The following NEK8 variants were observed in gnomAD, a reference collection of about 807,000 sequenced individuals.
NEK8 encodes serine/threonine-protein kinase Nek8.
Under a neutral mutation model 77.2 loss-of-function variants are expected in NEK8, and 51 were observed. That is an observed-to-expected ratio of 0.66 (90% CI 0.53 to 0.83). The LOEUF (loss-of-function observed/expected upper bound fraction) is 0.83. Ranked by LOEUF, NEK8 falls within the 40% of genes least tolerant of loss-of-function variation. The pLI is 0.00. For synonymous variants in NEK8, 365 were observed against 363.2 expected (o/e 1.00, Z -0.06); for missense variants, 787 against 909.2 (o/e 0.87, Z 1.73).
At position 28,743,358 on chromosome 17, in the gene NEK8, C is replaced by G. The variant is rs1435810692; in HGVS notation, c.*1371C>G. Reference sequence around the variant, plus strand: ...TCCGCGCTGGAGATTGCCCGTCCCCCCCATGCCTTTCCCCAGAAACAGTTG... The same window carrying G: ...TCCGCGCTGGAGATTGCCCGTCCCCGCCATGCCTTTCCCCAGAAACAGTTG... On this transcript the variant is annotated 3_prime_UTR_variant, in exon 15 of 15. Transcript: ENST00000268766. The G allele has an allele frequency of 6.6e-6, 1 of 152,360 alleles. No individual in the cohort carries two copies. The highest frequency in any genetic ancestry group is 1.5e-5 in the Non-Finnish European group (1 of 68,208). The allele number at this position is 152,360 out of a possible 1,614,324, so 9.4% of individuals were successfully genotyped here.
At position 28,737,758 on chromosome 17, in the gene NEK8, G is replaced by A. The variant is rs377603024; in HGVS notation, c.889+22G>A. 1.2e-6 allele frequency: 2 copies of A among 1,614,124 alleles called. No homozygotes were observed. The highest frequency in any genetic ancestry group is 1.7e-6 in the Non-Finnish European group (2 of 1,179,984). ...AGAGGTAAGTGGGAAGAGGCCGCCA[G>A]TCCCCATGGATGCCACACCATTCCC... On this transcript the variant is annotated intron_variant, in intron 6 of 14. Coordinates refer to ENST00000268766, the MANE Select transcript of NEK8 (RefSeq NM_178170.3). This position sits in a 1 kb window ranked among gnomAD's most constrained non-coding sequence, Gnocchi z 4.8.
rs149987249 is a variant in NEK8, at chr17:28,741,081, C to T, written c.1736C>T (p.Ser579Leu). The T allele has an allele frequency of 9.8e-5, 158 of 1,614,172 alleles. 1 individual carries two copies. Among genetic ancestry groups the T allele is most frequent in the Middle Eastern group, 4.9e-4 (3 of 6,062 alleles). Residue 579 changes from serine (S) to leucine (L), a missense_variant, in exon 13 of 15, where the codon TCG (serine) becomes TTG (leucine). Physicochemically the swap from Ser to Leu is moderately radical, Grantham distance 145. This residue lies in a region of NEK8 where 516 missense variants were observed against 544.0 expected (regional missense o/e 0.95). Coordinates refer to ENST00000268766, the MANE Select transcript of NEK8 (RefSeq NM_178170.3). This position sits in a 1 kb window ranked among gnomAD's most constrained non-coding sequence, Gnocchi z 4.5. Reference protein sequence around the residue: ...GTAHSAAVTASGDCYTFGSNQ... With the variant: ...GTAHSAAVTALGDCYTFGSNQ... The stretch of plus-strand genomic sequence containing the variant: ...CTTTCCTTCCTCTCCCCCATAGCCT[C>T]GGGTGATTGCTACACTTTTGGCAGC...
chr17:28,733,410 A>G (rs2034328959), intron 1 of NEK8, among the ~76,000 whole-genome samples: 1 of 152,220 alleles, frequency 6.6e-6, no homozygotes, highest in Non-Finnish European at 1.5e-5. Flanking sequence ...AGATCAGCTT[A>G]TAGTCCACTC....
intron 4 of NEK8, among the ~76,000 whole-genome samples, chr17:28,735,951 G>A (rs111986221): frequency 1.0e-4 from 11 of 109,462 alleles, no homozygotes; most frequent in African/African-American, 2.7e-4. Flanking sequence ...AACAGGCCCC[G>A]GTGTGTGATG....
At position 28,728,948 on chromosome 17, in the gene NEK8, C is replaced by A. The variant is rs1013871978; in HGVS notation, c.47+88C>A. 8.9e-6 allele frequency: 11 copies of A among 1,238,914 alleles called. No homozygotes were observed. The East Asian group carries it at 2.8e-4, about 31-fold the overall frequency. The allele number at this position is 1,238,914 out of a possible 1,614,324, so 76.7% of individuals were successfully genotyped here. ...CCGCGAAGTCGCCGCCCGCCTAATC[C>A]CGCCCCAAGGCGTGAGCGCCACTCT... On this transcript the variant is annotated intron_variant, in intron 1 of 14. Coordinates refer to ENST00000268766, the MANE Select transcript of NEK8 (RefSeq NM_178170.3).
intron 1 of NEK8, 145 bp downstream of exon 1, chr17:28,729,005 C>T (rs1394460617): frequency 2.7e-6 from 2 of 751,440 alleles, no homozygotes; most frequent in Admixed American, 2.2e-5. Flanking sequence ...CGGTCCCAGT[C>T]CCCCGGGGAG....
intron 1 of NEK8, among the ~76,000 whole-genome samples, chr17:28,730,184 C>G (rs931358757): frequency 1.3e-5 from 2 of 151,752 alleles, no homozygotes; most frequent in African/African-American, 4.8e-5. Context: ...AATCTCAGTT[C>G]ACTGCAATCT....
rs71135844 is a variant in NEK8, at chr17:28,731,908, ATTTTTTTTTTTTTTTTTT to A, written c.48-2052_48-2035del. ...GCGTGAGCCACCGCGCCTGGCCCCA[ATTTTTTTTTTTTTTTTTT>A]TTTTTTTTTTTTTTTTTTTTTTGAG... On this transcript the variant is annotated intron_variant, in intron 1 of 14. Transcript: ENST00000268766. 4.3e-3 allele frequency among the ~76,000 whole-genome samples: 228 copies of A among 52,524 alleles called. 1 individual carries two copies. The highest frequency in any genetic ancestry group is 0.017 in the African/African-American group (212 of 12,674). 34.5% of individuals were successfully genotyped at this position (52,524 alleles called of 152,430 possible).
rs199933041 is a variant in NEK8 at position 28,737,984 on chromosome 17, G to A, written c.1055G>A (p.Arg352His). ...TQKAGVTRSGRLILWEAPPLG... is the reference protein window; with the variant it reads ...TQKAGVTRSGHLILWEAPPLG... ...AAAGCCGGCGTCACGCGCTCTGGGC[G>A]TCTCATCCTGTGGGAGGTGAGCAGG... Residue 352 changes from arginine (R) to histidine (H), a missense_variant, in exon 7 of 15, where the codon CGT becomes CAT. By Grantham distance (29) the Arg-to-His change is conservative. Coordinates refer to ENST00000268766, the MANE Select transcript of NEK8 (RefSeq NM_178170.3). The surrounding 1 kb of genome is among the most constrained non-coding windows in gnomAD (Gnocchi z 4.8). The A allele has an allele frequency of 3.1e-6, 5 of 1,611,944 alleles. No homozygotes were observed. Among genetic ancestry groups the A allele is most frequent in the South Asian group, 1.1e-5 (1 of 91,028 alleles).
chr17:28,734,984 A>G lies in NEK8; in HGVS notation c.466A>G (p.Ser156Gly), dbSNP rs2034348663. Residue 156 changes from serine (S) to glycine (G), a missense_variant, in exon 3 of 15, where the codon AGC (serine) becomes GGC (glycine). Ser to Gly is a moderately conservative substitution (Grantham distance 56). Transcript: ENST00000268766. ...TTTCGGCATCTCCAAGATCCTTAGCAGCAAGAGCAAGGCCTACACGGTGCC... is the reference window on the plus strand; with the variant it reads ...TTTCGGCATCTCCAAGATCCTTAGCGGCAAGAGCAAGGCCTACACGGTGCC... ...GDFGISKILS[S>G]KSKAYTVVGT... 1.2e-6 allele frequency: 2 copies of G among 1,612,266 alleles called. No individual in the cohort carries two copies.
Position 28,735,368 on chromosome 17 carries a change from T to C in NEK8, c.615T>C (p.Ala205=). 6.2e-7 allele frequency: 1 copy of C among 1,613,548 alleles called. No individual in the cohort carries two copies. Among genetic ancestry groups the C allele is most frequent in the Admixed American group, 1.7e-5 (1 of 59,972 alleles). ...CCAGCCTCAAGAGGGCTTTCGAGGC[T>C]GCGGTGAGTGTATGCACCCTCCAGG... ...ELASLKRAFE[A]ANLPALVLKI... is the part of the protein sequence containing the mutation. The change falls in exon 4 of 15, where the codon GCT becomes GCC. Residue 205 remains alanine (A), a synonymous_variant. Coordinates refer to ENST00000268766, the MANE Select transcript of NEK8 (RefSeq NM_178170.3).
Position 28,737,991 on chromosome 17 carries a change from C to T in NEK8, c.1062C>T (p.Ile354=), listed in dbSNP as rs776828602. 3 of 1,612,156 alleles carry T rather than the reference C, an allele frequency of 1.9e-6. No homozygotes were observed. The highest frequency in any genetic ancestry group is 1.1e-5 in the South Asian group (1 of 91,026). The stretch of plus-strand genomic sequence containing the variant: ...GCGTCACGCGCTCTGGGCGTCTCAT[C>T]CTGTGGGAGGTGAGCAGGCCAGGGG... ...KAGVTRSGRL[I]LWEAPPLGAG... The change falls in exon 7 of 15, where the codon ATC becomes ATT. Residue 354 remains isoleucine (I), a synonymous_variant. Coordinates refer to ENST00000268766, the MANE Select transcript of NEK8 (RefSeq NM_178170.3). This position sits in a 1 kb window ranked among gnomAD's most constrained non-coding sequence, Gnocchi z 4.8.
chr17:28,731,119 G>A (rs1182131461), intron 1 of NEK8, among the ~76,000 whole-genome samples: 1 of 151,936 alleles, frequency 6.6e-6, no homozygotes, highest in Non-Finnish European at 1.5e-5. Context: ...TGGGTGTTGT[G>A]ACGGCTACTT....
At position 28,740,825 on chromosome 17, in the gene NEK8, C is replaced by T. The variant is rs764471241; in HGVS notation, c.1572C>T (p.Phe524=). The T allele has an allele frequency of 8.1e-6, 13 of 1,613,710 alleles. No individual in the cohort carries two copies. The South Asian group carries it at 1.4e-4, about 18-fold the overall frequency. The change falls in exon 12 of 15, where the codon TTC becomes TTT. Residue 524 remains phenylalanine (F), a synonymous_variant. Transcript: ENST00000268766. This position sits in a 1 kb window ranked among gnomAD's most constrained non-coding sequence, Gnocchi z 4.7. ...TGGCTTCTGGCTCTGCCCTCAGGTTCAACAAGCTGGGCCTGGACCACCTCT... is the reference window on the plus strand; with the variant it reads ...TGGCTTCTGGCTCTGCCCTCAGGTTTAACAAGCTGGGCCTGGACCACCTCT... ...GQALACGSNR[F]NKLGLDHLSL... is the part of the protein sequence containing the mutation.
Position 28,740,596 on chromosome 17 carries a change from A to G in NEK8, c.1551A>G (p.Leu517=). The part of the protein sequence containing the change: ...SMILTVPGQA[L]ACGSNRFNKL... Reference sequence around the variant, plus strand: ...TCCTCACTGTGCCTGGCCAAGCCCTAGCCTGTGGGAGCAACAGGTGAATAG... The same window carrying G: ...TCCTCACTGTGCCTGGCCAAGCCCTGGCCTGTGGGAGCAACAGGTGAATAG... Residue 517 remains leucine, a synonymous_variant, in exon 11 of 15, where the codon CTA becomes CTG. Coordinates refer to ENST00000268766, the MANE Select transcript of NEK8 (RefSeq NM_178170.3). This position sits in a 1 kb window ranked among gnomAD's most constrained non-coding sequence, Gnocchi z 4.7. 1 of 1,614,192 alleles carries G rather than the reference A, an allele frequency of 6.2e-7. No individual in the cohort carries two copies. The highest frequency in any genetic ancestry group is 1.3e-5 in the African/African-American group (1 of 75,056).
intron 10 of NEK8, 35 bp downstream of exon 10, chr17:28,739,236 T>C (rs749243227): frequency 7.0e-7 from 1 of 1,421,636 alleles, no homozygotes. Flanking sequence ...TCTCACAGCA[T>C]CCTCAGCCAT....
At chr17:28,736,671 C>A (rs1567760167) in intron 4 of NEK8, among the ~76,000 whole-genome samples, 1 of 152,114 alleles carries the variant, frequency 6.6e-6, no homozygotes, top group Non-Finnish European at 1.5e-5. Flanking sequence ...TGGATATTAG[C>A]CCTTTGTCAG....
rs991956292 is a variant in NEK8, at chr17:28,737,526, G to A, written c.827+12G>A. ...GTCCGCATGCGGAGGCCTGTGCAGG[G>A]ACAGCGAGCGGTCCTGGGCGGCAGG... On this transcript the variant is annotated intron_variant, in intron 5 of 14. Coordinates refer to ENST00000268766, the MANE Select transcript of NEK8 (RefSeq NM_178170.3). This position sits in a 1 kb window ranked among gnomAD's most constrained non-coding sequence, Gnocchi z 4.8. 2.5e-6 allele frequency: 4 copies of A among 1,612,844 alleles called. No homozygotes were observed. The highest frequency in any genetic ancestry group is 2.7e-5 in the African/African-American group (2 of 74,926).
intron 3 of NEK8, 81 bp downstream of exon 3, chr17:28,735,085 A>G (rs2034350327): frequency 2.0e-6 from 3 of 1,511,638 alleles, no homozygotes; most frequent in Non-Finnish European, 2.7e-6. Context: ...CCCTCCCCCT[A>G]AAAAACCCTT....
Sources: allele counts gnomAD v4.1 joint callset (sites outside exome capture counted in the v4.1 genomes callset), GRCh38; gene constraint gnomAD v4.1.1; regional missense constraint gnomAD v4.1.1; non-coding constraint Gnocchi (gnomAD v3.1); transcripts MANE v1.5; gene names NCBI Gene and HGNC (gene_info 2026-07-23, HGNC 2026-07-21).